The following RANBP17 variants were observed in gnomAD, a reference collection of about 807,000 sequenced individuals.
The protein encoded by RANBP17 is RAN binding protein 17.
RANBP17 carries 158 observed loss-of-function variants against 141.2 expected under a neutral mutation model. The ratio of observed to expected loss-of-function variants is 1.12; its 90% CI spans 0.98 to 1.28. The LOEUF (loss-of-function observed/expected upper bound fraction) is 1.28. Ranked by LOEUF, RANBP17 falls within the 50% of genes most tolerant of loss-of-function variation. RANBP17 has a pLI of 0.00. For synonymous variants in RANBP17, 430 were observed against 450.0 expected, an observed-to-expected ratio of 0.96 and a Z score of 0.56; for missense variants, 1,438 against 1,290.7, an observed-to-expected ratio of 1.11 and a Z score of -1.75.
At chr5:170,949,805 A>AGG (rs1380749039) in intron 12 of RANBP17, among the ~76,000 whole-genome samples, 2 of 152,154 alleles carry the variant, frequency 1.3e-5, no homozygotes, top group Non-Finnish European at 2.9e-5. Context: ...AATAGTCAAA[A>AGG]GATGGAAACA....
chr5:170,941,108 A>G (rs1380429240), intron 12 of RANBP17, among the ~76,000 whole-genome samples: 4 of 152,160 alleles, frequency 2.6e-5, no homozygotes, highest in Admixed American at 2.6e-4. Flanking sequence ...ATAGTGAAAG[A>G]CTTAATTCAA....
At chr5:171,055,245 C>T (rs1783263417) in intron 14 of RANBP17, among the ~76,000 whole-genome samples, 1 of 152,114 alleles carries the variant, frequency 6.6e-6, no homozygotes, top group Non-Finnish European at 1.5e-5. Context: ...CCTCTTGTTT[C>T]TTGTGAGCAG....
At chr5:170,932,524 G>T (rs927879911) in intron 12 of RANBP17, among the ~76,000 whole-genome samples, 1 of 151,772 alleles carries the variant, frequency 6.6e-6, no homozygotes, top group African/African-American at 2.4e-5. Flanking sequence ...TGTCCATTCA[G>T]TATGATACTG....
At chr5:170,937,250 G>A (rs188352781) in intron 12 of RANBP17, among the ~76,000 whole-genome samples, 1 of 152,148 alleles carries the variant, frequency 6.6e-6, no homozygotes, top group African/African-American at 2.4e-5. Flanking sequence ...TGACTTAAAG[G>A]TTTTTTCCTC....
chr5:171,106,310 G>A (rs886780003), intron 14 of RANBP17, among the ~76,000 whole-genome samples: 1 of 152,156 alleles, frequency 6.6e-6, no homozygotes, highest in African/African-American at 2.4e-5. Context: ...TCTGGGCCTT[G>A]AAGATGAAGT....
At position 171,089,750 on chromosome 5, in the gene RANBP17, A is replaced by C. The variant is rs577252190; in HGVS notation, c.1711-80380A>C. On this transcript the variant is annotated intron_variant, in intron 14 of 27. Transcript: ENST00000523189. ...GGTGCGTTCGTCACCCCTTTCTTTG[A>C]CTCGGAAAGGGAACTCCCTGACCCC... is the stretch of plus-strand genomic sequence containing the variant. Among the ~76,000 whole-genome samples, 11 of 151,824 alleles carry C rather than the reference A, an allele frequency of 7.2e-5. No homozygotes were observed. The South Asian group carries it at 2.1e-3, about 29-fold the overall frequency.
intron 14 of RANBP17, among the ~76,000 whole-genome samples, chr5:171,137,604 G>C (rs866851200): frequency 7.0e-6 from 1 of 142,064 alleles, no homozygotes; most frequent in African/African-American, 2.8e-5. Context: ...GTGTGTGTGT[G>C]TCTGTGTGTG....
intron 14 of RANBP17, among the ~76,000 whole-genome samples, chr5:171,103,298 C>T (rs245772): frequency 0.6 from 91,029 of 152,040 alleles, 29,024 homozygotes; most frequent in South Asian, 0.88. Flanking sequence ...GATGCCCTGC[C>T]CAGAGAGGAG....
rs78612741 is a variant in RANBP17, at chr5:170,998,626, A to G, written c.1710+30249A>G. Among the ~76,000 whole-genome samples the G allele has an allele frequency of 4.8e-3, 726 of 152,292 alleles. 19 individuals are homozygous for G. Among genetic ancestry groups the G allele is most frequent in the Admixed American group, 0.038 (586 of 15,280 alleles). ...AAGTTTGTTAGGCATTTTAACCACTACTAATTAAAAATAGACCTACTGACT... is the reference window on the plus strand; with the variant it reads ...AAGTTTGTTAGGCATTTTAACCACTGCTAATTAAAAATAGACCTACTGACT... On this transcript the variant is annotated intron_variant, in intron 14 of 27. Coordinates refer to ENST00000523189, the MANE Select transcript of RANBP17 (RefSeq NM_022897.5).
At chr5:170,976,734 G>C (rs1477976809) in intron 14 of RANBP17, among the ~76,000 whole-genome samples, 1 of 151,854 alleles carries the variant, frequency 6.6e-6, no homozygotes, top group Non-Finnish European at 1.5e-5. Flanking sequence ...GTGATTTTTT[G>C]ACAAGGGCAT....
intron 14 of RANBP17, among the ~76,000 whole-genome samples, chr5:171,048,142 A>T (rs1176194852): frequency 6.6e-6 from 1 of 152,158 alleles, no homozygotes; most frequent in African/African-American, 2.4e-5. Flanking sequence ...GGTTCACTGC[A>T]GCCTTGATCT....
intron 14 of RANBP17, among the ~76,000 whole-genome samples, chr5:171,051,378 A>ACTT (rs1782941230): frequency 6.6e-6 from 1 of 152,186 alleles, no homozygotes; most frequent in South Asian, 2.1e-4. Context: ...CCTATTAAGT[A>ACTT]ATCACTCTCT....
intron 21 of RANBP17, 46 bp downstream of exon 21, chr5:171,213,784 G>A (rs1182951202): frequency 7.4e-7 from 1 of 1,356,196 alleles, no homozygotes; most frequent in African/African-American, 1.4e-5. Context: ...ACTATTAGCG[G>A]AAATCTCCAA....
chr5:170,957,699 T>TA (rs1238621663), intron 13 of RANBP17, among the ~76,000 whole-genome samples: 1 of 152,178 alleles, frequency 6.6e-6, no homozygotes, highest in East Asian at 1.9e-4. Context: ...GCTGTATTGT[T>TA]AAAGTGCTAT....
At chr5:171,046,444 G>A (rs1477709625) in intron 14 of RANBP17, among the ~76,000 whole-genome samples, 1 of 151,910 alleles carries the variant, frequency 6.6e-6, no homozygotes, top group African/African-American at 2.4e-5. Context: ...TCTTGACCTC[G>A]TGATCTGCCT....
intron 15 of RANBP17, 119 bp from the exon 16 acceptor site, chr5:171,171,087 C>G: frequency 1.7e-6 from 1 of 572,240 alleles, no homozygotes; most frequent in South Asian, 2.6e-5. Flanking sequence ...GCCTGTTTTT[C>G]ACTTTCAAAA....
chr5:170,976,320 G>T (rs1777374492), intron 14 of RANBP17, among the ~76,000 whole-genome samples: 1 of 152,032 alleles, frequency 6.6e-6, no homozygotes. Context: ...ATAAAACATT[G>T]TTGAAACAAA....
At chr5:171,298,460 G>A (rs1324587894) in intron 27 of RANBP17, among the ~76,000 whole-genome samples, 2 of 152,154 alleles carry the variant, frequency 1.3e-5, no homozygotes, top group African/African-American at 2.4e-5. Flanking sequence ...TACTATCTAT[G>A]TGTAATTTAA....
At chr5:171,107,894 A>G (rs1281205774) in intron 14 of RANBP17, among the ~76,000 whole-genome samples, 2 of 152,176 alleles carry the variant, frequency 1.3e-5, no homozygotes, top group Non-Finnish European at 2.9e-5. Flanking sequence ...ATTTACCACT[A>G]TGCTCCTATA....
Sources: allele counts gnomAD v4.1 joint callset (sites outside exome capture counted in the v4.1 genomes callset), GRCh38; gene constraint gnomAD v4.1.1; transcripts MANE v1.5; gene names NCBI Gene and HGNC (gene_info 2026-07-23, HGNC 2026-07-21).